NRG2: variants seen among roughly 807,000 people sequenced by gnomAD.
NRG2 encodes pro-neuregulin-2, membrane-bound isoform.
A neutral mutation model predicts 73.9 loss-of-function variants in NRG2; 27 were observed. The ratio of observed to expected loss-of-function variants is 0.37; its 90% CI spans 0.27 to 0.50. The LOEUF is 0.50. Ranked by LOEUF, NRG2 falls within the 20% of genes least tolerant of loss-of-function variation. NRG2 has a pLI of 0.96. For missense variants in NRG2, 1,126 were observed against 1,210.1 expected (o/e 0.93, Z 1.03); for synonymous variants, 532 against 541.0 (o/e 0.98, Z 0.23).
chr5:140,042,510 G>C lies in NRG2; in HGVS notation c.560C>G (p.Pro187Arg). ...GATGTAGCGCTGGTTCCTTTCGAGC[G>C]GCACACAGGAGCCCACGCTGATCAC... ...EQVISVGSCV[P>R]LERNQRYIFF... The change falls in exon 1 of 10, where the codon CCG becomes CGG. Residue 187 changes from proline to arginine, a missense_variant. This residue lies in a region of NRG2 where 539 missense variants were observed against 703.2 expected (regional missense o/e 0.77). Coordinates refer to ENST00000361474, the MANE Select transcript of NRG2 (RefSeq NM_004883.3). 4 of 1,613,574 alleles carry C rather than the reference G, an allele frequency of 2.5e-6. No individual in the cohort carries two copies. Among genetic ancestry groups the C allele is most frequent in the Non-Finnish European group, 3.4e-6 (4 of 1,179,864 alleles).
At chr5:139,866,860 T>A (rs1581807230) in intron 4 of NRG2, among the ~76,000 whole-genome samples, 1 of 152,198 alleles carries the variant, frequency 6.6e-6, no homozygotes, top group African/African-American at 2.4e-5. Flanking sequence ...CTGGAGGACA[T>A]GCCCAGCCCT....
chr5:139,887,251 A>C lies in NRG2; in HGVS notation c.872+89T>G. On this transcript the variant is annotated intron_variant, in intron 2 of 9. Coordinates refer to ENST00000361474, the MANE Select transcript of NRG2 (RefSeq NM_004883.3). This position sits in a 1 kb window ranked among gnomAD's most constrained non-coding sequence, Gnocchi z 4.5. ...GTTCCATGGGTGAGTCTGGGGGCAC[A>C]GCCCTGGCCTCTGCCCAGTTCAGGC... 6.8e-7 allele frequency: 1 copy of C among 1,479,414 alleles called. No homozygotes were observed. Among genetic ancestry groups the C allele is most frequent in the Non-Finnish European group, 9.3e-7 (1 of 1,074,964 alleles). 91.6% of individuals were successfully genotyped at this position (1,479,414 alleles called of 1,614,324 possible).
intron 1 of NRG2, among the ~76,000 whole-genome samples, chr5:140,009,903 G>A (rs1309287215): frequency 6.6e-6 from 1 of 152,142 alleles, no homozygotes; most frequent in African/African-American, 2.4e-5. Flanking sequence ...TTCTGGAAAA[G>A]GCCAAACTAT....
chr5:139,863,524 G>A (rs1302832774), intron 5 of NRG2, among the ~76,000 whole-genome samples: 10 of 152,230 alleles, frequency 6.6e-5, no homozygotes, highest in Admixed American at 2.0e-4. Flanking sequence ...CTTGGATAGC[G>A]GCCCGGTTCC....
intron 1 of NRG2, among the ~76,000 whole-genome samples, chr5:139,951,314 C>T (rs1380094721): frequency 1.3e-5 from 2 of 152,196 alleles, no homozygotes; most frequent in African/African-American, 2.4e-5. Context: ...CTCTCTTTGG[C>T]TACTTATCGA....
At chr5:139,875,376 G>A (rs1013755387) in intron 3 of NRG2, among the ~76,000 whole-genome samples, 2 of 152,216 alleles carry the variant, frequency 1.3e-5, no homozygotes, top group African/African-American at 2.4e-5. Flanking sequence ...CAGGAGCCAT[G>A]TCTGACATGT....
intron 1 of NRG2, among the ~76,000 whole-genome samples, chr5:139,921,167 C>T (rs1751631419): frequency 6.6e-6 from 1 of 152,230 alleles, no homozygotes; most frequent in African/African-American, 2.4e-5. Flanking sequence ...GATGTCAGTT[C>T]TTCCCAACTT....
Position 139,847,661 on chromosome 5 carries a change from TTTC to T in NRG2, c.*253_*255del, listed in dbSNP as rs1266445170. On this transcript the variant is annotated 3_prime_UTR_variant, in exon 10 of 10. Transcript: ENST00000361474. The stretch of plus-strand genomic sequence containing the variant: ...GCCCATCTCTCTTTTTTTTTTGTTG[TTTC>T]TTTTTTTTTTCCGAAGCTGTAAATC... 14 of 326,182 alleles carry T rather than the reference TTTC, an allele frequency of 4.3e-5. No homozygotes were observed. The South Asian group carries it at 1.7e-3, about 39-fold the overall frequency. The allele number at this position is 326,182 out of a possible 1,614,324, so 20.2% of individuals were successfully genotyped here.
intron 3 of NRG2, among the ~76,000 whole-genome samples, chr5:139,872,634 G>C (rs1762937204): frequency 6.6e-6 from 1 of 152,132 alleles, no homozygotes; most frequent in African/African-American, 2.4e-5. Flanking sequence ...GGAGGAGACA[G>C]GGCCAGGGAA....
intron 1 of NRG2, among the ~76,000 whole-genome samples, chr5:139,939,227 CCTTCCTTCCTTCCTTCCTTT>C (rs1343712173): frequency 1.9e-4 from 27 of 145,568 alleles, no homozygotes; most frequent in Admixed American, 6.1e-4. Context: ...TTCCTTCCTT[CCTTCCTTCCTTCCTTCCTTT>C]CTTTCTTTCT....
At position 139,851,880 on chromosome 5, in the gene NRG2, G is replaced by A. The variant is rs754448373; in HGVS notation, c.1545-49C>T. On this transcript the variant is annotated intron_variant, in intron 8 of 9. Transcript: ENST00000361474. This position sits in a 1 kb window ranked among gnomAD's most constrained non-coding sequence, Gnocchi z 4.2. ...ACGAGGGGTCAGGAAGGGGCAGGGC[G>A]GCCCAGCAGGTGTGGTCCCATGGAC... 6.1e-5 allele frequency: 94 copies of A among 1,553,116 alleles called. No individual in the cohort carries two copies. Among genetic ancestry groups the A allele is most frequent in the African/African-American group, 2.0e-4 (15 of 73,594 alleles).
At chr5:139,922,037 C>G (rs1334024323) in intron 1 of NRG2, among the ~76,000 whole-genome samples, 1 of 146,658 alleles carries the variant, frequency 6.8e-6, no homozygotes, top group Non-Finnish European at 1.5e-5. Context: ...TGCCACTGCA[C>G]TCCAGCCTGG....
rs1345991760 is a variant in NRG2 at position 139,870,858 on chromosome 5, G to A, written c.1112+863C>T. On this transcript the variant is annotated intron_variant, in intron 4 of 9. Coordinates refer to ENST00000361474, the MANE Select transcript of NRG2 (RefSeq NM_004883.3). This position sits in a 1 kb window ranked among gnomAD's most constrained non-coding sequence, Gnocchi z 4.4. ...CCAGAAGATCTGGCTGGGCCTGAAC[G>A]AGCCCTCCCTGACAGCCTCTCTCCC... Among the ~76,000 whole-genome samples the A allele has an allele frequency of 1.3e-5, 2 of 152,178 alleles. No homozygotes were observed. The highest frequency in any genetic ancestry group is 2.4e-5 in the African/African-American group (1 of 41,442).
intron 1 of NRG2, among the ~76,000 whole-genome samples, chr5:139,935,045 T>C (rs1017535578): frequency 6.6e-6 from 1 of 152,106 alleles, no homozygotes; most frequent in Non-Finnish European, 1.5e-5. Context: ...TGCGTGCCTG[T>C]AGTCCCAGCT....
chr5:139,857,268 C>T (rs1220152936), intron 5 of NRG2, among the ~76,000 whole-genome samples: 2 of 152,138 alleles, frequency 1.3e-5, no homozygotes, highest in African/African-American at 4.8e-5. Flanking sequence ...CTGCACCTGC[C>T]CTCTCTCCCT....
In NRG2 at chr5:139,851,606, C is replaced by G. The variant is rs1178222457; in HGVS notation, c.1770G>C (p.Glu590Asp). 3.1e-6 allele frequency: 5 copies of G among 1,613,868 alleles called. No homozygotes were observed. In the East Asian group the frequency reaches 6.7e-5, roughly 22 times the overall value. The stretch of plus-strand genomic sequence containing the variant: ...TAGGTCAGGGGGTAGGAACTGACCT[C>G]TCGCTGTGTGGGGAGTCGCGAAGGG... ...VDSLRDSPHS[E>D]RYVSALTTPA... The change falls in exon 9 of 10, where the codon GAG becomes GAC. Residue 590 changes from glutamate to aspartate, a missense_variant and splice_region_variant. Glu to Asp is a conservative substitution (Grantham distance 45). Around this residue, in one of 3 missense-constraint regions of NRG2, gnomAD observed 539 missense variants for 703.2 expected, o/e 0.77. Transcript: ENST00000361474. This position sits in a 1 kb window ranked among gnomAD's most constrained non-coding sequence, Gnocchi z 4.2.
chr5:139,851,660 G>A lies in NRG2; in HGVS notation c.1716C>T (p.Thr572=), dbSNP rs764374282. The part of the protein sequence containing the change: ...AYNLEERRRA[T]APPYHDSVDS... Reference sequence around the variant, plus strand: ...CCACGGAATCGTGATAGGGTGGCGCGGTGGCCCTGCGCCGCTCCTCCAGGT... The same window carrying A: ...CCACGGAATCGTGATAGGGTGGCGCAGTGGCCCTGCGCCGCTCCTCCAGGT... Residue 572 remains threonine, a synonymous_variant, in exon 9 of 10, where the codon ACC becomes ACT. Coordinates refer to ENST00000361474, the MANE Select transcript of NRG2 (RefSeq NM_004883.3). This position sits in a 1 kb window ranked among gnomAD's most constrained non-coding sequence, Gnocchi z 4.2. 8.1e-6 allele frequency: 13 copies of A among 1,613,968 alleles called. No individual in the cohort carries two copies. Among genetic ancestry groups the A allele is most frequent in the East Asian group, 4.5e-5 (2 of 44,880 alleles).
At chr5:139,986,402 C>G (rs1339940330) in intron 1 of NRG2, among the ~76,000 whole-genome samples, 1 of 152,184 alleles carries the variant, frequency 6.6e-6, no homozygotes, top group Non-Finnish European at 1.5e-5. Flanking sequence ...TCTTATAAAG[C>G]ACACATACAC....
Position 139,870,869 on chromosome 5 carries a change from G to A in NRG2, c.1112+852C>T, listed in dbSNP as rs1762796105. Among the ~76,000 whole-genome samples the A allele has an allele frequency of 6.6e-6, 1 of 152,214 alleles. No individual in the cohort carries two copies. The highest frequency in any genetic ancestry group is 2.4e-5 in the African/African-American group (1 of 41,464). ...GGCTGGGCCTGAACGAGCCCTCCCT[G>A]ACAGCCTCTCTCCCACCTGCCTTGT... On this transcript the variant is annotated intron_variant, in intron 4 of 9. Coordinates refer to ENST00000361474, the MANE Select transcript of NRG2 (RefSeq NM_004883.3). The surrounding 1 kb of genome is among the most constrained non-coding windows in gnomAD (Gnocchi z 4.4).
Sources: gnomAD v4.1 joint callset for allele counts (sites outside exome capture counted in the v4.1 genomes callset) on GRCh38, gnomAD v4.1.1 for gene constraint, gnomAD v4.1.1 regional missense constraint, Gnocchi (gnomAD v3.1) non-coding constraint, MANE v1.5 for transcripts, NCBI Gene and HGNC (gene_info 2026-07-23, HGNC 2026-07-21) for gene names.